Variants in SPATA31H1 observed in about 807,000 individuals in gnomAD.
SPATA31H1 encodes SPATA31 subfamily H member 1, also known as spermatogenesis-associated protein 31H1.
the SPATA31H1 span, chr2:27,568,298 T>C: frequency 7.5e-6 from 3 of 398,784 alleles, no homozygotes; most frequent in Non-Finnish European, 1.3e-5. Context: ...TTACGGAAAC[T>C]GTGGAAATGA....
chr2:27,582,654 C>T, the SPATA31H1 span: 1 of 938,622 alleles, frequency 1.1e-6, no homozygotes, highest in South Asian at 1.7e-5. Flanking sequence ...CCATTTCTCT[C>T]TACCGGGGGG....
the SPATA31H1 span, chr2:27,580,334 T>C: frequency 1.2e-6 from 2 of 1,614,148 alleles, no homozygotes; most frequent in Non-Finnish European, 8.5e-7. Context: ...CTGGGCACTA[T>C]GAATTCACTC....
the SPATA31H1 span, chr2:27,569,052 A>T: frequency 2.5e-6 from 1 of 399,020 alleles, no homozygotes; most frequent in Non-Finnish European, 4.4e-6. Flanking sequence ...TTTAGGAACT[A>T]GCCCAGGGCC....
chr2:27,537,900 T>C, the SPATA31H1 span, among the ~76,000 whole-genome samples: 1 of 152,164 alleles, frequency 6.6e-6, no homozygotes. Flanking sequence ...GGGGGCTCTA[T>C]AAAATACCAC....
At chr2:27,579,422 T>C in the SPATA31H1 span, 6 of 1,614,108 alleles carry the variant, frequency 3.7e-6, no homozygotes, top group South Asian at 6.6e-5. Flanking sequence ...CAGTTACTAT[T>C]TCTCAGCCTT....
At chr2:27,543,930 T>C in the SPATA31H1 span, among the ~76,000 whole-genome samples, 1 of 151,940 alleles carries the variant, frequency 6.6e-6, no homozygotes, top group East Asian at 1.9e-4. Flanking sequence ...GATCTAGACT[T>C]ATTGACGGTT....
the SPATA31H1 span, chr2:27,580,264 A>C: frequency 6.2e-7 from 1 of 1,614,188 alleles, no homozygotes; most frequent in Non-Finnish European, 8.5e-7. Context: ...GTACAAGTCT[A>C]CATCAGGCGA....
chr2:27,581,851 G>A, the SPATA31H1 span: 6 of 1,611,486 alleles, frequency 3.7e-6, no homozygotes, highest in Non-Finnish European at 3.4e-6. Context: ...AGCCATTGCA[G>A]TCCCTCTGAG....
the SPATA31H1 span, among the ~76,000 whole-genome samples, chr2:27,556,434 T>A: frequency 6.6e-6 from 1 of 151,596 alleles, no homozygotes; most frequent in South Asian, 2.1e-4. Flanking sequence ...GACTCCTGTC[T>A]CCCCTTTCCT....
the SPATA31H1 span, among the ~76,000 whole-genome samples, chr2:27,546,486 T>A: frequency 6.6e-6 from 1 of 152,116 alleles, no homozygotes; most frequent in East Asian, 1.9e-4. Context: ...ACACAAAATG[T>A]AAGGAACACC....
chr2:27,577,727 T>C, the SPATA31H1 span: 1 of 1,613,960 alleles, frequency 6.2e-7, no homozygotes, highest in African/African-American at 1.3e-5. This position sits in a 1 kb window ranked among gnomAD's most constrained non-coding sequence, Gnocchi z 4.5. Flanking sequence ...CACAGCATCA[T>C]GTGGGATCTC....
chr2:27,578,705 T>G, the SPATA31H1 span: 2 of 1,614,160 alleles, frequency 1.2e-6, no homozygotes, highest in Non-Finnish European at 1.7e-6. Flanking sequence ...TGTGTCAGAA[T>G]AGGGACTGTC....
At chr2:27,576,145 C>T in the SPATA31H1 span, 33 of 402,886 alleles carry the variant, frequency 8.2e-5, no homozygotes, top group Middle Eastern at 6.2e-4. Context: ...TGCAAACTTG[C>T]GCCACACTTG....
At chr2:27,578,977 A>T in the SPATA31H1 span, 1 of 1,614,168 alleles carries the variant, frequency 6.2e-7, no homozygotes, top group Non-Finnish European at 8.5e-7. Flanking sequence ...CAAAGCTCCG[A>T]TAAGACAGCT....
At chr2:27,576,918 A>G in the SPATA31H1 span, 6 of 1,614,122 alleles carry the variant, frequency 3.7e-6, no homozygotes, top group Non-Finnish European at 4.2e-6. Flanking sequence ...TTATCAAATC[A>G]TGGAATCCTC....
At chr2:27,574,909 C>A in the SPATA31H1 span, 1 of 398,418 alleles carries the variant, frequency 2.5e-6, no homozygotes, top group Non-Finnish European at 4.4e-6. Flanking sequence ...GTGATCCCAG[C>A]GACAAAGCTT....
At chr2:27,547,725 G>T in the SPATA31H1 span, among the ~76,000 whole-genome samples, 11 of 151,878 alleles carry the variant, frequency 7.2e-5, no homozygotes, top group South Asian at 2.1e-4. Flanking sequence ...ATATAGAGGG[G>T]TTTTTTGAAG....
the SPATA31H1 span, among the ~76,000 whole-genome samples, chr2:27,555,037 T>G: frequency 0.58 from 88,190 of 151,756 alleles, 26,568 homozygotes; most frequent in East Asian, 0.84. Flanking sequence ...ATTGCAATGC[T>G]CTTTATCATG....
At chr2:27,575,075 GATACACCTTCA>G in the SPATA31H1 span, 3 of 398,426 alleles carry the variant, frequency 7.5e-6, no homozygotes, top group Non-Finnish European at 1.3e-5. The surrounding 1 kb of genome is among the most constrained non-coding windows in gnomAD (Gnocchi z 4.1). Context: ...TGACACCAGG[GATACACCTTCA>G]GGGTGTGAAA....
Sources: allele counts gnomAD v4.1 joint callset (sites outside exome capture counted in the v4.1 genomes callset), GRCh38; gene constraint gnomAD v4.1.1; non-coding constraint Gnocchi (gnomAD v3.1); transcripts MANE v1.5; gene names NCBI Gene and HGNC (gene_info 2026-07-23, HGNC 2026-07-21).